BEND2: variants seen among roughly 807,000 people sequenced by gnomAD.
BEND2 encodes BEN domain-containing protein 2.
In BEND2, 19 loss-of-function variants were observed where a neutral mutation model predicts 43.8. That is an observed-to-expected ratio of 0.43 (90% confidence interval 0.30 to 0.64). The LOEUF is 0.64. Among genes scored for constraint, BEND2 ranks in the 30% least tolerant of loss-of-function variants. The pLI is 0.11. For missense variants in BEND2, 544 were observed against 574.0 expected (o/e 0.95, Z 0.53); for synonymous variants, 226 against 210.1 (o/e 1.08, Z -0.66).
At chrX:18,169,072 G>C (rs1923897052) in intron 13 of BEND2, among the ~76,000 whole-genome samples, 1 of 110,231 alleles carries the variant, frequency 9.1e-6, no homozygotes, top group African/African-American at 3.3e-5. Flanking sequence ...TGAGGGACTG[G>C]AGTGCAGGGT....
intron 12 of BEND2, among the ~76,000 whole-genome samples, chrX:18,173,006 C>T (rs1162875853): frequency 1.8e-5 from 2 of 111,551 alleles, no homozygotes; most frequent in African/African-American, 6.5e-5. Flanking sequence ...AAAATGCCCA[C>T]AATAGTTTTT....
intron 11 of BEND2, among the ~76,000 whole-genome samples, chrX:18,174,891 A>G (rs895996406): frequency 5.4e-5 from 6 of 111,098 alleles, no homozygotes; most frequent in African/African-American, 2.0e-4. Flanking sequence ...GGGTCTTGCT[A>G]AAATGCAAAT....
At chrX:18,205,905 G>C (rs985165418) in intron 4 of BEND2, among the ~76,000 whole-genome samples, 1 of 111,187 alleles carries the variant, frequency 9.0e-6, no homozygotes, top group African/African-American at 3.3e-5. Flanking sequence ...GAACCACTGG[G>C]CTATGGCACT....
Position 18,220,541 on chromosome X carries a change from T to G in BEND2, c.25+185A>C, listed in dbSNP as rs182480587. Among the ~76,000 whole-genome samples the G allele has an allele frequency of 3.1e-4, 35 of 111,466 alleles. No homozygotes were observed. The East Asian group carries it at 9.7e-3, about 31-fold the overall frequency. On this transcript the variant is annotated intron_variant, in intron 1 of 13. Coordinates refer to ENST00000380033, the MANE Select transcript of BEND2 (RefSeq NM_153346.5). The stretch of plus-strand genomic sequence containing the variant: ...CCATCTCGGTCCACCACGCCAAATT[T>G]CCCACCGGCGCGCTGAGCAATCGGC...
In BEND2 at chrX:18,163,981, T is replaced by C. The variant is rs746701657; in HGVS notation, c.*1028A>G. 3 of 111,821 alleles carry C rather than the reference T, an allele frequency of 2.7e-5. No individual in the cohort carries two copies. The South Asian group carries it at 1.1e-3, about 42-fold the overall frequency. 9.2% of individuals were successfully genotyped at this position (111,821 alleles called of 1,213,427 possible). A position where few individuals can be genotyped will look rare whatever the true frequency, so the allele number is the denominator to read the frequency against. ...GAAGTTAAAGCCTTTTTGCCCTTTA[T>C]GGAAGATTTTTTTTTATGCAAGATT... On this transcript the variant is annotated 3_prime_UTR_variant, in exon 14 of 14. Transcript: ENST00000380033.
Position 18,164,011 on chromosome X carries a change from T to A in BEND2, c.*998A>T, listed in dbSNP as rs926563732. ...GATTTTTTTTTATGCAAGATTTTTT[T>A]AATTATCTACTTCTTTTTTTTCTTT... On this transcript the variant is annotated 3_prime_UTR_variant, in exon 14 of 14. Transcript: ENST00000380033. 9.0e-6 allele frequency: 1 copy of A among 111,551 alleles called. No homozygotes were observed. The highest frequency in any genetic ancestry group is 2.8e-4 in the East Asian group (1 of 3,576). The allele number at this position is 111,551 out of a possible 1,213,427, so 9.2% of individuals were successfully genotyped here.
intron 2 of BEND2, 113 bp downstream of exon 2, chrX:18,216,408 A>C (rs749664242): frequency 1.5e-6 from 1 of 650,394 alleles, no homozygotes; most frequent in African/African-American, 2.2e-5. Flanking sequence ...CATGAAGCTA[A>C]GCCCTCTGGT....
In BEND2 at chrX:18,195,292, T is replaced by C. The variant is rs1334109278; in HGVS notation, c.1180+4A>G. ...GCTTGTGATATCCATTATTTCAAACTCACCAAAATTAGAAGTGATGGGAAG... is the reference window on the plus strand; with the variant it reads ...GCTTGTGATATCCATTATTTCAAACCCACCAAAATTAGAAGTGATGGGAAG... On this transcript the variant is annotated splice_donor_region_variant and intron_variant, in intron 7 of 13. Transcript: ENST00000380033. 1 of 1,199,148 alleles carries C rather than the reference T, an allele frequency of 8.3e-7. No individual in the cohort carries two copies. The highest frequency in any genetic ancestry group is 1.8e-5 in the African/African-American group (1 of 56,539).
chrX:18,212,785 T>C (rs1925555483), intron 3 of BEND2, 105 bp from the exon 4 acceptor site: 4 of 516,492 alleles, frequency 7.7e-6, no homozygotes, highest in Non-Finnish European at 1.2e-5. Context: ...GGACTTTGGG[T>C]TGAATTTTAG....
At chrX:18,166,705 T>C (rs1923832565) in intron 13 of BEND2, among the ~76,000 whole-genome samples, 1 of 108,968 alleles carries the variant, frequency 9.2e-6, no homozygotes. Context: ...TGGGCAACAA[T>C]GGTGAAACCC....
chrX:18,207,584 T>G (rs1030531124), intron 4 of BEND2, among the ~76,000 whole-genome samples: 5 of 111,499 alleles, frequency 4.5e-5, no homozygotes, highest in Non-Finnish European at 9.4e-5. Flanking sequence ...GGCTTTTTTG[T>G]GAAAAAAAAA....
At position 18,168,623 on chromosome X, in the gene BEND2, T is replaced by C. The variant is rs532343011; in HGVS notation, c.2185+2378A>G. Among the ~76,000 whole-genome samples the C allele has an allele frequency of 6.2e-4, 69 of 111,149 alleles. 1 individual carries two copies. In the South Asian group the frequency reaches 0.025, roughly 41 times the overall value. On this transcript the variant is annotated intron_variant, in intron 13 of 13. Transcript: ENST00000380033. ...TGGATGGGGGTTTAAGGAGTGAGGGTTGTTCGCTAATTGCAAATCTGCCTA... is the reference window on the plus strand; with the variant it reads ...TGGATGGGGGTTTAAGGAGTGAGGGCTGTTCGCTAATTGCAAATCTGCCTA...
chrX:18,187,215 A>G (rs1439982612), intron 8 of BEND2, among the ~76,000 whole-genome samples: 25 of 111,690 alleles, frequency 2.2e-4, no homozygotes, highest in African/African-American at 7.8e-4. Flanking sequence ...CTGAATGGAT[A>G]AAAAAGCAAG....
chrX:18,198,675 C>G (rs1397099160), intron 6 of BEND2, among the ~76,000 whole-genome samples: 2 of 110,848 alleles, frequency 1.8e-5, no homozygotes, highest in African/African-American at 6.6e-5. Context: ...CTAGAAATAC[C>G]ATTTGACCCA....
chrX:18,218,524 T>C (rs1925741776), intron 1 of BEND2, among the ~76,000 whole-genome samples: 1 of 112,343 alleles, frequency 8.9e-6, no homozygotes, highest in Non-Finnish European at 1.9e-5. Context: ...GGTGTACACA[T>C]AACTTTCCCA....
chrX:18,201,874 A>G lies in BEND2; in HGVS notation c.974T>C (p.Met325Thr). ...AGTATTTTGGCCATTGTAATTTCCC[A>G]TTAAAGTTGGATAATTCGCTGTCTC... ...STETANYPTL[M>T]GNYNGQNTAS... The change falls in exon 6 of 14, where the codon ATG becomes ACG. Residue 325 changes from methionine to threonine, a missense_variant. Transcript: ENST00000380033. 8.3e-7 allele frequency: 1 copy of G among 1,210,425 alleles called. No individual in the cohort carries two copies. The highest frequency in any genetic ancestry group is 1.1e-6 in the Non-Finnish European group (1 of 894,806).
chrX:18,177,115 A>T (rs1398340479), intron 10 of BEND2, among the ~76,000 whole-genome samples: 2 of 110,524 alleles, frequency 1.8e-5, no homozygotes, highest in East Asian at 5.7e-4. Flanking sequence ...ATCTCAATAG[A>T]CATGTCTGGA....
At chrX:18,189,199 C>CAA (rs34280162) in intron 8 of BEND2, among the ~76,000 whole-genome samples, 12,013 of 72,620 alleles carry the variant, frequency 0.17, 939 homozygotes, top group East Asian at 0.36. Context: ...GAATCCATCT[C>CAA]AAAAAAAAAA....
chrX:18,219,340 G>A (rs1165998506), intron 1 of BEND2, among the ~76,000 whole-genome samples: 1 of 112,815 alleles, frequency 8.9e-6, no homozygotes, highest in Non-Finnish European at 1.9e-5. Context: ...TCCTCTTAAC[G>A]ACCACGCGGC....
Sources: allele counts gnomAD v4.1 joint callset (sites outside exome capture counted in the v4.1 genomes callset), GRCh38; gene constraint gnomAD v4.1.1; transcripts MANE v1.5; gene names NCBI Gene and HGNC (gene_info 2026-07-23, HGNC 2026-07-21).